The following PCDHGA1 variants were observed in gnomAD, a reference collection of about 807,000 sequenced individuals.
PCDHGA1 encodes protocadherin gamma subfamily A, 1, also known as protocadherin gamma-A1.
A neutral mutation model predicts 58.0 loss-of-function variants in PCDHGA1; 32 were observed. The observed-to-expected ratio is 0.55, with a 90% CI of 0.42 to 0.74. PCDHGA1 has a LOEUF of 0.74. Ranked by LOEUF, PCDHGA1 falls within the 30% of genes least tolerant of loss-of-function variation. The pLI is 0.00. For synonymous variants in PCDHGA1, 498 were observed against 501.1 expected, an observed-to-expected ratio of 0.99 and a Z score of 0.08; for missense variants, 1,205 against 1,182.3, an observed-to-expected ratio of 1.02 and a Z score of -0.28.
intron 1 of PCDHGA1, chr5:141,374,996 G>A: frequency 1.9e-6 from 3 of 1,614,006 alleles, no homozygotes; most frequent in Non-Finnish European, 2.5e-6. Context: ...TTCAACTTCT[G>A]CAAATCTAGA....
intron 1 of PCDHGA1, chr5:141,405,435 T>TAG: frequency 6.8e-7 from 1 of 1,463,324 alleles, no homozygotes; most frequent in Non-Finnish European, 9.3e-7. Flanking sequence ...TTGTTTTGTT[T>TAG]TTGAGACAGA....
Position 141,372,784 on chromosome 5 carries a change from C to T in PCDHGA1, c.2421+39679C>T. Reference sequence around the variant, plus strand: ...GAAAGTAATGACAATCCAGAAATGCCTTCTAATTCAGGCAATTTGCAAAAG... The same window carrying T: ...GAAAGTAATGACAATCCAGAAATGCTTTCTAATTCAGGCAATTTGCAAAAG... On this transcript the variant is annotated intron_variant, in intron 1 of 3. Coordinates refer to ENST00000517417, the MANE Select transcript of PCDHGA1 (RefSeq NM_018912.3). The T allele has an allele frequency of 1.9e-6, 3 of 1,606,556 alleles. No homozygotes were observed. In the South Asian group the frequency reaches 3.3e-5, roughly 18 times the overall value.
intron 1 of PCDHGA1, among the ~76,000 whole-genome samples, chr5:141,448,573 AT>A (rs976781630): frequency 1.3e-5 from 2 of 151,652 alleles, no homozygotes; most frequent in East Asian, 1.9e-4. Flanking sequence ...TTATTTCCCC[AT>A]TTTTTTTACA....
chr5:141,340,974 T>A lies in PCDHGA1; in HGVS notation c.2421+7869T>A. Reference sequence around the variant, plus strand: ...CTCACCGTGGCCGTGGCCGACAGGATCCCCGACATCCTGGCCGACCTGGGC... The same window carrying A: ...CTCACCGTGGCCGTGGCCGACAGGAACCCCGACATCCTGGCCGACCTGGGC... On this transcript the variant is annotated intron_variant, in intron 1 of 3. Coordinates refer to ENST00000517417, the MANE Select transcript of PCDHGA1 (RefSeq NM_018912.3). The A allele has an allele frequency of 2.5e-6, 4 of 1,613,762 alleles. No homozygotes were observed. In the South Asian group the frequency reaches 3.3e-5, roughly 13 times the overall value.
At chr5:141,373,739 A>G (rs1561560112) in intron 1 of PCDHGA1, among the ~76,000 whole-genome samples, 1 of 152,238 alleles carries the variant, frequency 6.6e-6, no homozygotes, top group Non-Finnish European at 1.5e-5. Context: ...ATGCTTCATT[A>G]TCTTGGGGAG....
intron 1 of PCDHGA1, among the ~76,000 whole-genome samples, chr5:141,337,903 C>G (rs1336936517): frequency 6.6e-6 from 1 of 152,170 alleles, no homozygotes; most frequent in Non-Finnish European, 1.5e-5. Flanking sequence ...TGGTGAAAAA[C>G]CCCTTCCGGC....
chr5:141,351,943 C>G, intron 1 of PCDHGA1: 1 of 1,613,168 alleles, frequency 6.2e-7, no homozygotes, highest in Non-Finnish European at 8.5e-7. Flanking sequence ...TGCTGTACCC[C>G]GCGCTGGGGC....
intron 1 of PCDHGA1, among the ~76,000 whole-genome samples, chr5:141,488,190 G>A (rs1162264945): frequency 1.3e-5 from 2 of 152,164 alleles, no homozygotes; most frequent in African/African-American, 4.8e-5. Flanking sequence ...CTTTTGGTCT[G>A]GGTCTTAGGA....
chr5:141,450,468 A>G (rs1187171122), intron 1 of PCDHGA1, among the ~76,000 whole-genome samples: 2 of 151,696 alleles, frequency 1.3e-5, no homozygotes, highest in African/African-American at 4.9e-5. Flanking sequence ...TTTTATATAT[A>G]GAGTTTGTTT....
intron 1 of PCDHGA1, among the ~76,000 whole-genome samples, chr5:141,444,110 A>C (rs1284415694): frequency 6.7e-6 from 1 of 149,880 alleles, no homozygotes; most frequent in Non-Finnish European, 1.5e-5. Flanking sequence ...AACCAAGAAA[A>C]GTGAAGTATC....
At chr5:141,352,258 G>A (rs939972286) in intron 1 of PCDHGA1, 11 of 1,613,980 alleles carry the variant, frequency 6.8e-6, no homozygotes, top group Admixed American at 1.7e-5. Context: ...GCCTGCAAGA[G>A]GTATTGCCAG....
chr5:141,488,131 G>A (rs2099672034), intron 1 of PCDHGA1, among the ~76,000 whole-genome samples: 1 of 152,202 alleles, frequency 6.6e-6, no homozygotes, highest in Non-Finnish European at 1.5e-5. Context: ...GCAGAAAGAG[G>A]AGAGAACTAA....
At chr5:141,505,302 G>A (rs1733345360) in intron 2 of PCDHGA1, 91 bp from the exon 3 acceptor site, 1 of 1,592,596 alleles carries the variant, frequency 6.3e-7, no homozygotes, top group Admixed American at 1.7e-5. Flanking sequence ...TAGGGTTAGG[G>A]TACTAGGTTT....
chr5:141,414,123 C>T (rs1328389134), intron 1 of PCDHGA1: 1 of 1,592,532 alleles, frequency 6.3e-7, no homozygotes. Flanking sequence ...ATGAAGAAAC[C>T]GGTTTCTATG....
intron 1 of PCDHGA1, chr5:141,393,113 G>A: frequency 1.2e-6 from 2 of 1,613,500 alleles, no homozygotes; most frequent in Non-Finnish European, 8.5e-7. Context: ...CTCAGAGCCC[G>A]CGGTGTCTGA....
chr5:141,424,149 G>T, intron 1 of PCDHGA1: 1 of 324,612 alleles, frequency 3.1e-6, no homozygotes. Flanking sequence ...GCTCCCTCTA[G>T]CTCTCCTTCT....
At chr5:141,441,962 G>A in intron 1 of PCDHGA1, 1 of 313,768 alleles carries the variant, frequency 3.2e-6, no homozygotes, top group Admixed American at 4.1e-5. Context: ...AGCAAGCCCA[G>A]GCTCTTCAGC....
chr5:141,478,856 T>G (rs1372487685), intron 1 of PCDHGA1: 2 of 1,353,224 alleles, frequency 1.5e-6, no homozygotes, highest in Non-Finnish European at 2.0e-6. Flanking sequence ...AAACACAAGA[T>G]CTCAGCGATC....
intron 1 of PCDHGA1, chr5:141,345,838 C>T (rs1239653079): frequency 6.8e-6 from 11 of 1,613,514 alleles, no homozygotes; most frequent in South Asian, 2.2e-5. Flanking sequence ...GGCCAGAACG[C>T]CTGGCTGTCC....
Sources: gnomAD v4.1 joint callset for allele counts (sites outside exome capture counted in the v4.1 genomes callset) on GRCh38, gnomAD v4.1.1 for gene constraint, MANE v1.5 for transcripts, NCBI Gene and HGNC (gene_info 2026-07-23, HGNC 2026-07-21) for gene names.